Variants in GLIPR1 observed in about 807,000 individuals in gnomAD.
GLIPR1 encodes GLI pathogenesis related 1, also known as glioma pathogenesis-related protein 1.
A neutral mutation model predicts 30.3 loss-of-function variants in GLIPR1; 38 were observed. The ratio of observed to expected loss-of-function variants is 1.26; its 90% CI spans 0.97 to 1.65. GLIPR1 has a LOEUF of 1.65. GLIPR1 is among the 40% of genes most tolerant of loss of function. The pLI, the probability that GLIPR1 is intolerant of heterozygous loss-of-function variation, is 0.00. For missense variants in GLIPR1, 285 were observed against 326.5 expected (o/e 0.87, Z 0.98); for synonymous variants, 122 against 110.6 (o/e 1.10, Z -0.65).
chr12:75,489,011 T>G (rs1157645640), intron 2 of GLIPR1, among the ~76,000 whole-genome samples: 1 of 152,200 alleles, frequency 6.6e-6, no homozygotes, highest in Non-Finnish European at 1.5e-5. Flanking sequence ...AAAATGTAAT[T>G]TGGTACTGCT....
rs528469024 is a variant in GLIPR1 at position 75,503,093 on chromosome 12, C to T, written c.*4115C>T. ...AAGGGAATAATGAAGCAAGAACCCCCAGGAGACAGGTGAAGATGGAATTCA... is the reference window on the plus strand; with the variant it reads ...AAGGGAATAATGAAGCAAGAACCCCTAGGAGACAGGTGAAGATGGAATTCA... On this transcript the variant is annotated 3_prime_UTR_variant, in exon 6 of 6. Coordinates refer to ENST00000266659, the MANE Select transcript of GLIPR1 (RefSeq NM_006851.3). The T allele has an allele frequency of 1.1e-4, 17 of 152,164 alleles. No homozygotes were observed. Among genetic ancestry groups the T allele is most frequent in the African/African-American group, 4.1e-4 (17 of 41,506 alleles). The allele number at this position is 152,164 out of a possible 1,614,324, so 9.4% of individuals were successfully genotyped here.
Position 75,502,695 on chromosome 12 carries a change from A to C in GLIPR1, c.*3717A>C, listed in dbSNP as rs2046403123. The stretch of plus-strand genomic sequence containing the variant: ...GGAAACTTAAGTATGGATGGGATAA[A>C]TAACTCGCCCAGTCACATAATGAAT... On this transcript the variant is annotated 3_prime_UTR_variant, in exon 6 of 6. Coordinates refer to ENST00000266659, the MANE Select transcript of GLIPR1 (RefSeq NM_006851.3). The C allele has an allele frequency of 6.6e-6, 1 of 152,074 alleles. No homozygotes were observed. Among genetic ancestry groups the C allele is most frequent in the African/African-American group, 2.4e-5 (1 of 41,440 alleles). 9.4% of individuals were successfully genotyped at this position (152,074 alleles called of 1,614,324 possible). A position where few individuals can be genotyped will look rare whatever the true frequency, so the allele number is the denominator to read the frequency against.
rs1322050743 is a variant in GLIPR1 at position 75,499,808 on chromosome 12, G to A, written c.*830G>A. 2 of 1,595,904 alleles carry A rather than the reference G, an allele frequency of 1.3e-6. No homozygotes were observed. Among genetic ancestry groups the A allele is most frequent in the African/African-American group, 2.7e-5 (2 of 73,482 alleles). The stretch of plus-strand genomic sequence containing the variant: ...GTTCTAGTCAAGGAGTTTTGGGTAT[G>A]TTACTTTTTTTTCTTCTTTTTCTTT... On this transcript the variant is annotated 3_prime_UTR_variant, in exon 6 of 6. Coordinates refer to ENST00000266659, the MANE Select transcript of GLIPR1 (RefSeq NM_006851.3).
At chr12:75,492,105 G>A (rs1447383692) in intron 3 of GLIPR1, 1 of 61,324 alleles carries the variant, frequency 1.6e-5, no homozygotes, top group Non-Finnish European at 3.7e-5. Context: ...TTTTTTTTTT[G>A]AGACAGGGTC....
At position 75,498,921 on chromosome 12, in the gene GLIPR1, T is replaced by C; in HGVS notation, c.744T>C (p.Ser248=). The C allele has an allele frequency of 6.2e-7, 1 of 1,607,294 alleles. No individual in the cohort carries two copies. Among genetic ancestry groups the C allele is most frequent in the Non-Finnish European group, 8.5e-7 (1 of 1,174,348 alleles). The change falls in exon 6 of 6, where the codon TCT becomes TCC. Residue 248 remains serine, a synonymous_variant. Coordinates refer to ENST00000266659, the MANE Select transcript of GLIPR1 (RefSeq NM_006851.3). ...TTAATTCAGTAATTCTAATACTGTCTGTTATAATTACCATTTTGGTACAGC... is the reference window on the plus strand; with the variant it reads ...TTAATTCAGTAATTCTAATACTGTCCGTTATAATTACCATTTTGGTACAGC... ...LIVNSVILIL[S]VIITILVQHK... is the part of the protein sequence containing the mutation.
rs1566103924 is a variant in GLIPR1 at position 75,502,041 on chromosome 12, A to G, written c.*3063A>G. The stretch of plus-strand genomic sequence containing the variant: ...TTTACAATTACATCAGAAATAATGT[A>G]GAGGAGAAGTCATGTCCTAAGCAAG... On this transcript the variant is annotated 3_prime_UTR_variant, in exon 6 of 6. Transcript: ENST00000266659. The G allele has an allele frequency of 6.6e-7, 1 of 1,510,010 alleles. No homozygotes were observed. The highest frequency in any genetic ancestry group is 9.2e-7 in the Non-Finnish European group (1 of 1,090,820). 93.5% of individuals were successfully genotyped at this position (1,510,010 alleles called of 1,614,324 possible). A position where few individuals can be genotyped will look rare whatever the true frequency, so the allele number is the denominator to read the frequency against.
In GLIPR1 at chr12:75,482,196, T is replaced by A. The variant is rs564175876; in HGVS notation, c.420+117T>A. 2.3e-4 allele frequency: 203 copies of A among 874,600 alleles called. 3 individuals are homozygous for A. In the South Asian group the frequency reaches 3.3e-3, roughly 14 times the overall value. 54.2% of individuals were successfully genotyped at this position (874,600 alleles called of 1,614,324 possible). A position where few individuals can be genotyped will look rare whatever the true frequency, so the allele number is the denominator to read the frequency against. On this transcript the variant is annotated intron_variant, in intron 2 of 5. Coordinates refer to ENST00000266659, the MANE Select transcript of GLIPR1 (RefSeq NM_006851.3). Reference sequence around the variant, plus strand: ...AGTATACCTGTAAATATAAGGGAGTTAAATAGAACAGCCTCCAAGAACAGA... The same window carrying A: ...AGTATACCTGTAAATATAAGGGAGTAAAATAGAACAGCCTCCAAGAACAGA...
rs761148574 is a variant in GLIPR1 at position 75,499,812 on chromosome 12, C to CT, written c.*842dup. The CT allele has an allele frequency of 1.0e-5, 16 of 1,595,048 alleles. No individual in the cohort carries two copies. The highest frequency in any genetic ancestry group is 1.7e-4 in the Middle Eastern group (1 of 6,004). On this transcript the variant is annotated 3_prime_UTR_variant, in exon 6 of 6. Transcript: ENST00000266659. ...TAGTCAAGGAGTTTTGGGTATGTTA[C>CT]TTTTTTTTCTTCTTTTTCTTTTCAT...
chr12:75,491,282 T>C (rs566730891), intron 3 of GLIPR1: 85 of 152,000 alleles, frequency 5.6e-4, no homozygotes, highest in African/African-American at 1.9e-3. Flanking sequence ...TTACTACCCC[T>C]GTTTGGCAAA....
At chr12:75,484,536 C>T (rs775884703) in intron 2 of GLIPR1, 10 of 152,198 alleles carry the variant, frequency 6.6e-5, no homozygotes, top group African/African-American at 2.2e-4. Flanking sequence ...GACCACCAAA[C>T]AGTCTTTGTG....
At chr12:75,482,453 G>A (rs939520036) in intron 2 of GLIPR1, among the ~76,000 whole-genome samples, 1 of 152,098 alleles carries the variant, frequency 6.6e-6, no homozygotes, top group African/African-American at 2.4e-5. Context: ...TATAAAATTG[G>A]AAGAAACAAG....
Position 75,499,924 on chromosome 12 carries a change from G to T in GLIPR1, c.*946G>T. ...TTTCTTAACCTTTTCCTTGATGCTGGCCACATCAATTTTAGTTTCAGTAGA... is the reference window on the plus strand; with the variant it reads ...TTTCTTAACCTTTTCCTTGATGCTGTCCACATCAATTTTAGTTTCAGTAGA... On this transcript the variant is annotated 3_prime_UTR_variant, in exon 6 of 6. Coordinates refer to ENST00000266659, the MANE Select transcript of GLIPR1 (RefSeq NM_006851.3). 1 of 1,603,504 alleles carries T rather than the reference G, an allele frequency of 6.2e-7. No individual in the cohort carries two copies. Among genetic ancestry groups the T allele is most frequent in the Non-Finnish European group, 8.5e-7 (1 of 1,175,916 alleles).
chr12:75,490,712 C>A lies in GLIPR1; in HGVS notation c.533+194C>A, dbSNP rs1159693476. ...TTAATTAACATTCTGGTACATTTTT[C>A]TTGGAGAGAGAGAGGGTGTGTGTGT... On this transcript the variant is annotated intron_variant, in intron 3 of 5. Transcript: ENST00000266659. 6 of 499,484 alleles carry A rather than the reference C, an allele frequency of 1.2e-5. No individual in the cohort carries two copies. In the South Asian group the frequency reaches 1.4e-4, roughly 12 times the overall value. The allele number at this position is 499,484 out of a possible 1,614,324, so 30.9% of individuals were successfully genotyped here.
At chr12:75,488,401 G>A (rs1183373668) in intron 2 of GLIPR1, among the ~76,000 whole-genome samples, 2 of 152,146 alleles carry the variant, frequency 1.3e-5, no homozygotes, top group African/African-American at 2.4e-5. Context: ...GCCGGGCATG[G>A]TGGCACATGC....
chr12:75,485,065 A>G (rs1454147079), intron 2 of GLIPR1, among the ~76,000 whole-genome samples: 2 of 152,238 alleles, frequency 1.3e-5, no homozygotes, highest in African/African-American at 2.4e-5. Context: ...GGGGGACTCA[A>G]AACTACTCAA....
At position 75,495,608 on chromosome 12, in the gene GLIPR1, G is replaced by A; in HGVS notation, c.565G>A (p.Gly189Arg). 6.2e-7 allele frequency: 1 copy of A among 1,610,776 alleles called. No homozygotes were observed. The highest frequency in any genetic ancestry group is 8.5e-7 in the Non-Finnish European group (1 of 1,177,098). ...GNYPTWPYKRGATCSACPNND... is the reference protein window; with the variant it reads ...GNYPTWPYKRRATCSACPNND... ...TTACCCAACTTGGCCATATAAGAGAGGAGCCACCTGCAGTGCCTGCCCCAA... is the reference window on the plus strand; with the variant it reads ...TTACCCAACTTGGCCATATAAGAGAAGAGCCACCTGCAGTGCCTGCCCCAA... Residue 189 changes from glycine to arginine, a missense_variant, in exon 4 of 6, where the codon GGA becomes AGA. By Grantham distance (125) the Gly-to-Arg change is moderately radical. Coordinates refer to ENST00000266659, the MANE Select transcript of GLIPR1 (RefSeq NM_006851.3).
chr12:75,486,739 C>T (rs1177699281), intron 2 of GLIPR1, among the ~76,000 whole-genome samples: 2 of 152,168 alleles, frequency 1.3e-5, no homozygotes, highest in Non-Finnish European at 2.9e-5. Context: ...TATATTTAGA[C>T]TGATTCCATT....
chr12:75,499,015 C>A lies in GLIPR1; in HGVS notation c.*37C>A. 1 of 1,436,258 alleles carries A rather than the reference C, an allele frequency of 7.0e-7. No individual in the cohort carries two copies. Among genetic ancestry groups the A allele is most frequent in the East Asian group, 2.4e-5 (1 of 42,266 alleles). 89.0% of individuals were successfully genotyped at this position (1,436,258 alleles called of 1,614,324 possible). On this transcript the variant is annotated 3_prime_UTR_variant, in exon 6 of 6. Coordinates refer to ENST00000266659, the MANE Select transcript of GLIPR1 (RefSeq NM_006851.3). ...AAAGAAAAAACCCAAAAACCAACCT[C>A]ATTCACATATGGCTTTTTTTTTAAC...
rs762211100 is a variant in GLIPR1 at position 75,481,055 on chromosome 12, G to A, written c.174+1G>A. 3 of 1,602,764 alleles carry A rather than the reference G, an allele frequency of 1.9e-6. No individual in the cohort carries two copies. The highest frequency in any genetic ancestry group is 4.5e-5 in the East Asian group (2 of 44,616). On this transcript the variant is annotated splice_donor_variant, in intron 1 of 5. Transcript: ENST00000266659. LOFTEE classifies it high-confidence loss of function. ...AACAGCCAGTGATATGCTATACATG[G>A]TAAGGAAAATATCATTAATTGTGGC...
Sources: allele counts gnomAD v4.1 joint callset (sites outside exome capture counted in the v4.1 genomes callset), GRCh38; gene constraint gnomAD v4.1.1; transcripts MANE v1.5; gene names NCBI Gene and HGNC (gene_info 2026-07-23, HGNC 2026-07-21).